ECT2: variants seen among roughly 807,000 people sequenced by gnomAD.
ECT2 encodes epithelial cell transforming 2, also known as protein ECT2.
A neutral mutation model predicts 116.9 loss-of-function variants in ECT2; 61 were observed. The observed-to-expected ratio is 0.52, with a 90% CI of 0.42 to 0.65. ECT2 has a LOEUF of 0.65. Ranked by LOEUF, ECT2 falls within the 30% of genes least tolerant of loss-of-function variation. The pLI is 0.00. For synonymous variants in ECT2, 358 were observed against 346.4 expected, an observed-to-expected ratio of 1.03 and a Z score of -0.37; for missense variants, 937 against 1,078.7, an observed-to-expected ratio of 0.87 and a Z score of 1.84.
intron 18 of ECT2, among the ~76,000 whole-genome samples, chr3:172,788,113 A>C (rs905344478): frequency 1.3e-5 from 2 of 152,182 alleles, no homozygotes; most frequent in Non-Finnish European, 2.9e-5. Context: ...CTGATTAATA[A>C]GCCTTATAGA....
In ECT2 at chr3:172,816,740, G is replaced by C. The variant is rs1327400520; in HGVS notation, c.2558G>C (p.Arg853Thr). 1 of 1,607,598 alleles carries C rather than the reference G, an allele frequency of 6.2e-7. No individual in the cohort carries two copies. Among genetic ancestry groups the C allele is most frequent in the Admixed American group, 1.7e-5 (1 of 59,798 alleles). Residue 853 changes from arginine (R) to threonine (T), a missense_variant, in exon 24 of 25, where the codon AGG (arginine) becomes ACG (threonine). Transcript: ENST00000392692. ...FSKTPKRALR[R>T]ALMTSHGSVE... The stretch of plus-strand genomic sequence containing the variant: ...AAAACTCCAAAAAGAGCTCTTCGAA[G>C]GGCTCTTATGACATCCCACGGCTCA...
chr3:172,785,038 T>G (rs60270113), intron 17 of ECT2, among the ~76,000 whole-genome samples: 9,350 of 152,218 alleles, frequency 0.061, 973 homozygotes, highest in African/African-American at 0.21. Flanking sequence ...TCATTTAAAA[T>G]TTTTCTTAAT....
At chr3:172,813,922 T>TAGAAATATATCTCTTA (rs1729232934) in intron 22 of ECT2, among the ~76,000 whole-genome samples, 1 of 152,098 alleles carries the variant, frequency 6.6e-6, no homozygotes, top group Non-Finnish European at 1.5e-5. Context: ...TTTATACGTG[T>TAGAAATATATCTCTTA]AGAAATATAT....
chr3:172,751,342 C>CG (rs1715767639), intron 1 of ECT2, among the ~76,000 whole-genome samples: 1 of 152,198 alleles, frequency 6.6e-6, no homozygotes, highest in Admixed American at 6.5e-5. Context: ...CAGATGTGTC[C>CG]GGCTTAGTGG....
intron 13 of ECT2, among the ~76,000 whole-genome samples, chr3:172,770,688 C>CT (rs1185879894): frequency 1.3e-5 from 2 of 152,060 alleles, no homozygotes; most frequent in Non-Finnish European, 2.9e-5. Context: ...TGATATTTTC[C>CT]TTTTTGGGGG....
chr3:172,774,956 G>T (rs1039452805), intron 14 of ECT2, among the ~76,000 whole-genome samples: 1 of 151,934 alleles, frequency 6.6e-6, no homozygotes, highest in East Asian at 1.9e-4. Flanking sequence ...TTTTGCTTTG[G>T]CTTGTTTTGA....
intron 7 of ECT2, 51 bp downstream of exon 7, chr3:172,760,314 A>G (rs552585340): frequency 3.5e-6 from 4 of 1,128,460 alleles, no homozygotes; most frequent in East Asian, 2.5e-5. Context: ...TTATTTTGGC[A>G]TGGGTTTAAT....
intron 16 of ECT2, 95 bp downstream of exon 16, chr3:172,784,004 A>G (rs1576939983): frequency 2.4e-6 from 2 of 837,252 alleles, no homozygotes; most frequent in Non-Finnish European, 3.7e-6. Flanking sequence ...TAACTTTAGT[A>G]AAATGTATCC....
intron 12 of ECT2, among the ~76,000 whole-genome samples, chr3:172,768,554 G>A (rs1162012297): frequency 6.6e-6 from 1 of 152,076 alleles, no homozygotes; most frequent in Non-Finnish European, 1.5e-5. Flanking sequence ...CATTATTATA[G>A]TAAGGAAATT....
chr3:172,761,380 T>G (rs887387325), intron 7 of ECT2, among the ~76,000 whole-genome samples: 1 of 152,170 alleles, frequency 6.6e-6, no homozygotes, highest in Non-Finnish European at 1.5e-5. Flanking sequence ...ACTTCAGAGA[T>G]ATATTTATTT....
chr3:172,828,242 T>C, the ECT2 span, among the ~76,000 whole-genome samples: 1 of 152,178 alleles, frequency 6.6e-6, no homozygotes, highest in Non-Finnish European at 1.5e-5. Flanking sequence ...TTAATTGATA[T>C]GATTGTCAGG....
At chr3:172,756,702 CTAATAAG>C (rs1717053948) in intron 4 of ECT2, among the ~76,000 whole-genome samples, 1 of 151,920 alleles carries the variant, frequency 6.6e-6, no homozygotes, top group African/African-American at 2.4e-5. Flanking sequence ...TGATTTATGA[CTAATAAG>C]TAATAAGTCA....
intron 24 of ECT2, 149 bp downstream of exon 24, chr3:172,816,986 A>T: frequency 1.8e-6 from 1 of 568,648 alleles, no homozygotes; most frequent in Admixed American, 3.4e-5. Flanking sequence ...TTATCATTTG[A>T]ATGCGAATCA....
rs760049743 is a variant in ECT2 at position 172,815,659 on chromosome 3, T to C, written c.2456T>C (p.Met819Thr). ...TCCTTTGAAGTAAATACAAAAGATA[T>C]GGACAGTACATTGAGTAGAGCATCA... ...PESFEVNTKD[M>T]DSTLSRASRA... The change falls in exon 23 of 25, where the codon ATG (methionine) becomes ACG (threonine). Residue 819 changes from methionine to threonine, a missense_variant. Coordinates refer to ENST00000392692, the MANE Select transcript of ECT2 (RefSeq NM_001258315.2). The C allele has an allele frequency of 2.5e-6, 4 of 1,605,680 alleles. No homozygotes were observed. Among genetic ancestry groups the C allele is most frequent in the East Asian group, 2.2e-5 (1 of 44,632 alleles).
intron 18 of ECT2, among the ~76,000 whole-genome samples, chr3:172,799,412 G>A (rs1196262711): frequency 6.6e-6 from 1 of 152,176 alleles, no homozygotes; most frequent in Non-Finnish European, 1.5e-5. Flanking sequence ...CCAAGACAAT[G>A]AGGCAAGACT....
At chr3:172,769,271 A>T in intron 13 of ECT2, 128 bp downstream of exon 13, 5 of 930,316 alleles carry the variant, frequency 5.4e-6, no homozygotes, top group Non-Finnish European at 7.7e-6. Context: ...TAAAAATGGA[A>T]TTGTGTGACA....
In ECT2 at chr3:172,807,828, A is replaced by C; in HGVS notation, c.2304A>C (p.Leu768=). ...CACCAACAGAGCAGGCAAATGTGCT[A>C]CTCAGTTTCCAGATGACATCAGATG... ...VRPPTEQANV[L]LSFQMTSDEL... The change falls in exon 22 of 25, where the codon CTA becomes CTC. Residue 768 remains leucine, a synonymous_variant. Transcript: ENST00000392692. 1 of 1,613,990 alleles carries C rather than the reference A, an allele frequency of 6.2e-7. No individual in the cohort carries two copies. Among genetic ancestry groups the C allele is most frequent in the East Asian group, 2.2e-5 (1 of 44,858 alleles).
At chr3:172,819,554 C>G (rs902513051) in intron 24 of ECT2, among the ~76,000 whole-genome samples, 3 of 151,858 alleles carry the variant, frequency 2.0e-5, no homozygotes, top group Non-Finnish European at 2.9e-5. Flanking sequence ...CTAAGTTGCC[C>G]AGTCTGGTCT....
At chr3:172,795,610 T>C (rs1167258978) in intron 18 of ECT2, among the ~76,000 whole-genome samples, 6 of 152,284 alleles carry the variant, frequency 3.9e-5, no homozygotes, top group African/African-American at 1.4e-4. Context: ...ATAATTTTGA[T>C]TAATAAAAAT....
Sources: gnomAD v4.1 joint callset for allele counts (sites outside exome capture counted in the v4.1 genomes callset) on GRCh38, gnomAD v4.1.1 for gene constraint, MANE v1.5 for transcripts, NCBI Gene and HGNC (gene_info 2026-07-23, HGNC 2026-07-21) for gene names.